SEMA3C: variants seen among roughly 807,000 people sequenced by gnomAD.
SEMA3C encodes the protein semaphorin-3C.
Under a neutral mutation model 89.4 loss-of-function variants are expected in SEMA3C, and 47 were observed. That is an observed-to-expected ratio of 0.53 (90% CI 0.42 to 0.67). The LOEUF (loss-of-function observed/expected upper bound fraction) is 0.67, where lower values mean the gene tolerates loss of function less well. Ranked by LOEUF, SEMA3C falls within the 30% of genes least tolerant of loss-of-function variation. The pLI is 0.00. For missense variants in SEMA3C, 839 were observed against 929.1 expected (o/e 0.90, Z 1.26); for synonymous variants, 310 against 320.2 (o/e 0.97, Z 0.34).
chr7:80,746,378 T>G (rs965557163), intron 17 of SEMA3C, among the ~76,000 whole-genome samples: 2 of 152,216 alleles, frequency 1.3e-5, no homozygotes, highest in Non-Finnish European at 2.9e-5. Context: ...TTAATTAATT[T>G]TACTAAGTTT....
At chr7:80,807,503 C>A (rs555413143) in intron 6 of SEMA3C, among the ~76,000 whole-genome samples, 33 of 152,278 alleles carry the variant, frequency 2.2e-4, no homozygotes, top group African/African-American at 7.5e-4. Context: ...ATAAATGTCA[C>A]TTTGGTAACA....
chr7:80,821,302 G>A (rs981831580), intron 4 of SEMA3C, among the ~76,000 whole-genome samples: 2 of 152,146 alleles, frequency 1.3e-5, no homozygotes, highest in East Asian at 3.8e-4. Context: ...AAAATAACCT[G>A]TTTGAGACCA....
intron 2 of SEMA3C, among the ~76,000 whole-genome samples, chr7:80,859,255 A>G (rs1344610397): frequency 6.6e-6 from 1 of 152,188 alleles, no homozygotes. Context: ...ATGTTTATGC[A>G]TACATACATA....
intron 15 of SEMA3C, among the ~76,000 whole-genome samples, chr7:80,751,992 TTC>T (rs774704200): frequency 6.6e-6 from 1 of 152,204 alleles, no homozygotes; most frequent in Non-Finnish European, 1.5e-5. Context: ...CCACATTAAT[TTC>T]TTTCTCTCTC....
chr7:80,821,503 T>G (rs1789746370), intron 4 of SEMA3C, among the ~76,000 whole-genome samples: 1 of 150,240 alleles, frequency 6.7e-6, no homozygotes, highest in South Asian at 2.3e-4. Context: ...CACTGCAACC[T>G]CCGCTTCCCG....
intron 12 of SEMA3C, among the ~76,000 whole-genome samples, chr7:80,780,455 A>G (rs1242802086): frequency 6.6e-6 from 1 of 152,228 alleles, no homozygotes; most frequent in Non-Finnish European, 1.5e-5. Flanking sequence ...CCAGAGTTTT[A>G]AACATCAGGA....
rs986331344 is a variant in SEMA3C, at chr7:80,907,499, A to T, written c.103+9180T>A. Among the ~76,000 whole-genome samples the T allele has an allele frequency of 2.0e-4, 30 of 152,092 alleles. 1 individual carries two copies. The highest frequency in any genetic ancestry group is 3.2e-4 in the Non-Finnish European group (22 of 68,014). ...GAAAGGAAAAAGCCCTTGAGCCTGA[A>T]TTTATGGAGCGACAATCTGGCTGGA... On this transcript the variant is annotated intron_variant, in intron 2 of 17. Transcript: ENST00000265361.
At chr7:80,851,880 T>A (rs1053825976) in intron 2 of SEMA3C, among the ~76,000 whole-genome samples, 7 of 152,194 alleles carry the variant, frequency 4.6e-5, no homozygotes, top group African/African-American at 1.4e-4. Context: ...AAGACAATGT[T>A]AATTTTAGTT....
At chr7:80,856,689 A>G (rs1463427936) in intron 2 of SEMA3C, among the ~76,000 whole-genome samples, 1 of 152,144 alleles carries the variant, frequency 6.6e-6, no homozygotes, top group Non-Finnish European at 1.5e-5. Flanking sequence ...TGTTATAAAC[A>G]TTATTTCATT....
At chr7:80,846,641 G>GT (rs775297399) in intron 2 of SEMA3C, among the ~76,000 whole-genome samples, 3 of 152,142 alleles carry the variant, frequency 2.0e-5, no homozygotes, top group Admixed American at 2.0e-4. Flanking sequence ...CCTTTTCCAT[G>GT]TTTTTAAGGC....
intron 2 of SEMA3C, among the ~76,000 whole-genome samples, chr7:80,858,318 A>C (rs1449204356): frequency 6.6e-6 from 1 of 152,170 alleles, no homozygotes; most frequent in African/African-American, 2.4e-5. Flanking sequence ...AGAAGCACTG[A>C]TATACATCAT....
At chr7:80,760,792 A>G (rs1788166298) in intron 14 of SEMA3C, among the ~76,000 whole-genome samples, 2 of 152,318 alleles carry the variant, frequency 1.3e-5, no homozygotes, top group South Asian at 2.1e-4. Flanking sequence ...GCATTACCTT[A>G]CAAATGTAGA....
intron 2 of SEMA3C, among the ~76,000 whole-genome samples, chr7:80,836,704 A>AAACG (rs1790137561): frequency 6.6e-6 from 1 of 151,964 alleles, no homozygotes. Flanking sequence ...ACAAACAAAC[A>AAACG]AACAAACAAA....
At position 80,742,930 on chromosome 7, in the gene SEMA3C, A is replaced by C. The variant is rs1261278117; in HGVS notation, c.*1964T>G. The C allele has an allele frequency of 6.6e-6, 1 of 151,956 alleles. No individual in the cohort carries two copies. The highest frequency in any genetic ancestry group is 1.5e-5 in the Non-Finnish European group (1 of 67,850). 9.4% of individuals were successfully genotyped at this position (151,956 alleles called of 1,614,324 possible). ...CACAATTTAATAATTGTGAAAATAG[A>C]AAGAATTAAATAGCACAAATATAGT... is the stretch of plus-strand genomic sequence containing the variant. On this transcript the variant is annotated 3_prime_UTR_variant, in exon 18 of 18. Coordinates refer to ENST00000265361, the MANE Select transcript of SEMA3C (RefSeq NM_006379.5).
chr7:80,851,530 A>AAT lies in SEMA3C; in HGVS notation c.104-22786_104-22785insAT, dbSNP rs1349294153. ...AAAAAAAAAAAAAAAAAAAAAAAAA[A>AAT]AGACATTCATAGTTTCTAAAGATTA... On this transcript the variant is annotated intron_variant, in intron 2 of 17. Transcript: ENST00000265361. 6.7e-5 allele frequency among the ~76,000 whole-genome samples: 10 copies of AAT among 148,980 alleles called. No homozygotes were observed. The South Asian group carries it at 2.2e-3, about 32-fold the overall frequency.
chr7:80,894,047 A>G (rs1365392376), intron 2 of SEMA3C, among the ~76,000 whole-genome samples: 1 of 152,186 alleles, frequency 6.6e-6, no homozygotes, highest in Non-Finnish European at 1.5e-5. Context: ...CTATTTCCCA[A>G]GGATAAACAA....
intron 12 of SEMA3C, among the ~76,000 whole-genome samples, 187 bp from the exon 13 acceptor site, chr7:80,765,430 T>A (rs1788276305): frequency 6.6e-6 from 1 of 152,178 alleles, no homozygotes. Context: ...CACATACAAT[T>A]CAAGGGGAAC....
At chr7:80,913,832 A>ACTCCATT (rs1792208723) in intron 2 of SEMA3C, among the ~76,000 whole-genome samples, 2 of 152,182 alleles carry the variant, frequency 1.3e-5, no homozygotes, top group Admixed American at 1.3e-4. Context: ...AAATGTTATT[A>ACTCCATT]CTCCATTATT....
intron 2 of SEMA3C, among the ~76,000 whole-genome samples, chr7:80,880,055 T>C (rs1791296802): frequency 1.3e-5 from 2 of 152,212 alleles, no homozygotes; most frequent in Non-Finnish European, 2.9e-5. Context: ...CTAGAAATTC[T>C]CCATCACACC....
Sources: allele counts gnomAD v4.1 joint callset (sites outside exome capture counted in the v4.1 genomes callset), GRCh38; gene constraint gnomAD v4.1.1; transcripts MANE v1.5; gene names NCBI Gene and HGNC (gene_info 2026-07-23, HGNC 2026-07-21).